SETBP1: variants seen among roughly 807,000 people sequenced by gnomAD.
SETBP1 encodes the protein SET binding protein 1, also known as SET-binding protein.
Under a neutral mutation model 101.0 loss-of-function variants are expected in SETBP1, and 9 were observed. The ratio of observed to expected loss-of-function variants is 0.09; its 90% CI spans 0.05 to 0.16. The LOEUF (loss-of-function observed/expected upper bound fraction) is 0.16, where lower values mean the gene tolerates loss of function less well. SETBP1 is among the 10% of genes least tolerant of loss of function. The pLI is 1.00. For synonymous variants in SETBP1, 818 were observed against 788.5 expected, an observed-to-expected ratio of 1.04 and a Z score of -0.63; for missense variants, 1,858 against 2,033.8, an observed-to-expected ratio of 0.91 and a Z score of 1.66.
chr18:44,684,491 CT>C (rs1286993641), intron 1 of SETBP1, among the ~76,000 whole-genome samples: 1 of 151,750 alleles, frequency 6.6e-6, no homozygotes, highest in Non-Finnish European at 1.5e-5. Context: ...TTTTGGAGGA[CT>C]GTAATTGTAG....
At chr18:44,939,055 C>T (rs1306569176) in intron 3 of SETBP1, among the ~76,000 whole-genome samples, 1 of 151,592 alleles carries the variant, frequency 6.6e-6, no homozygotes, top group Non-Finnish European at 1.5e-5. Flanking sequence ...ATGGATTTCT[C>T]ATTTTTGATT....
intron 2 of SETBP1, among the ~76,000 whole-genome samples, chr18:44,790,951 T>A (rs1196073727): frequency 6.6e-6 from 1 of 152,230 alleles, no homozygotes; most frequent in Non-Finnish European, 1.5e-5. Context: ...ATTAAAAATA[T>A]GCTTTTTTCA....
chr18:44,875,611 G>A (rs762993682), intron 3 of SETBP1, among the ~76,000 whole-genome samples: 3 of 151,066 alleles, frequency 2.0e-5, no homozygotes, highest in Non-Finnish European at 2.9e-5. Context: ...AGACTCAACT[G>A]GAGTTTGTGG....
At chr18:44,702,673 T>C (rs941390476) in intron 2 of SETBP1, among the ~76,000 whole-genome samples, 15 of 152,232 alleles carry the variant, frequency 9.9e-5, no homozygotes, top group African/African-American at 3.6e-4. Context: ...CTCCTTTTGA[T>C]TTCAGTCATT....
chr18:44,842,633 A>T (rs2072640301), intron 2 of SETBP1, among the ~76,000 whole-genome samples: 2 of 152,190 alleles, frequency 1.3e-5, no homozygotes, highest in South Asian at 4.1e-4. Flanking sequence ...TGGTCTACAG[A>T]TTCGCAAAAG....
In SETBP1 at chr18:45,055,014, A is replaced by G. The variant is rs145817970; in HGVS notation, c.4172-8065A>G. On this transcript the variant is annotated intron_variant, in intron 5 of 5. Coordinates refer to ENST00000649279, the MANE Select transcript of SETBP1 (RefSeq NM_015559.3). ...GGGAATATAAAGATGAATGCTCTCC[A>G]GGATTTGGGCTCTAGGAGTTGACAG... 5.9e-3 allele frequency among the ~76,000 whole-genome samples: 900 copies of G among 152,376 alleles called. 10 individuals are homozygous for G. Among genetic ancestry groups the G allele is most frequent in the African/African-American group, 0.02 (828 of 41,590 alleles).
intron 3 of SETBP1, among the ~76,000 whole-genome samples, chr18:44,948,417 C>CT (rs2071258643): frequency 6.6e-6 from 1 of 151,874 alleles, no homozygotes; most frequent in Non-Finnish European, 1.5e-5. Context: ...TTAACAGGGG[C>CT]TGTAAGACAT....
At chr18:44,970,948 T>C (rs1298134838) in intron 4 of SETBP1, among the ~76,000 whole-genome samples, 3 of 152,144 alleles carry the variant, frequency 2.0e-5, no homozygotes, top group Admixed American at 6.5e-5. Flanking sequence ...ACATGTGCCA[T>C]GTTGGTGTGC....
In SETBP1 at chr18:44,950,481, T is replaced by G. The variant is rs1273193718; in HGVS notation, c.1141T>G (p.Ser381Ala). ...GYSADSAQEA[S>A]PARQNVSSAS... ...TTCCGCAGATAGTGCCCAAGAGGCATCACCAGCCAGGCAGAACGTGAGTTC... is the reference window on the plus strand; with the variant it reads ...TTCCGCAGATAGTGCCCAAGAGGCAGCACCAGCCAGGCAGAACGTGAGTTC... The change falls in exon 4 of 6, where the codon TCA becomes GCA. Residue 381 changes from serine to alanine, a missense_variant. Coordinates refer to ENST00000649279, the MANE Select transcript of SETBP1 (RefSeq NM_015559.3). 7 of 1,613,926 alleles carry G rather than the reference T, an allele frequency of 4.3e-6. No individual in the cohort carries two copies. The highest frequency in any genetic ancestry group is 5.9e-6 in the Non-Finnish European group (7 of 1,180,036).
Position 44,872,392 on chromosome 18 carries a change from GT to G in SETBP1, c.540+3118del, listed in dbSNP as rs905187531. 7.3e-5 allele frequency among the ~76,000 whole-genome samples: 11 copies of G among 150,474 alleles called. No homozygotes were observed. The East Asian group carries it at 7.8e-4, about 11-fold the overall frequency. ...TTGTTCTACATAGACACACACATCT[GT>G]TTTTTTTTAATGGTAATATTTTATA... On this transcript the variant is annotated intron_variant, in intron 3 of 5. Coordinates refer to ENST00000649279, the MANE Select transcript of SETBP1 (RefSeq NM_015559.3).
chr18:44,920,269 G>A (rs977850750), intron 3 of SETBP1, among the ~76,000 whole-genome samples: 2 of 152,068 alleles, frequency 1.3e-5, no homozygotes, highest in Non-Finnish European at 2.9e-5. Flanking sequence ...GTATGAGGGC[G>A]AAATGGATTA....
intron 2 of SETBP1, among the ~76,000 whole-genome samples, chr18:44,814,492 C>T (rs2071933754): frequency 6.6e-6 from 1 of 152,172 alleles, no homozygotes; most frequent in East Asian, 1.9e-4. Flanking sequence ...GCAAAGCAGA[C>T]ATACTGTCTG....
intron 2 of SETBP1, among the ~76,000 whole-genome samples, chr18:44,792,442 G>A (rs750680863): frequency 3.3e-5 from 5 of 152,190 alleles, no homozygotes; most frequent in African/African-American, 4.8e-5. Context: ...AGTCAGAGCC[G>A]TGCCTGAGCC....
At chr18:44,947,570 G>A (rs11877149) in intron 3 of SETBP1, among the ~76,000 whole-genome samples, 35,340 of 147,948 alleles carry the variant, frequency 0.24, 4,437 homozygotes, top group East Asian at 0.52. Context: ...GCAAGGGCAC[G>A]ATCTCGGCTC....
chr18:44,865,944 T>A (rs1418950749), intron 2 of SETBP1, among the ~76,000 whole-genome samples: 1 of 152,172 alleles, frequency 6.6e-6, no homozygotes, highest in Non-Finnish European at 1.5e-5. Context: ...CAGATAGAAG[T>A]TATTTGAGTT....
chr18:44,978,427 A>G (rs117600193), intron 4 of SETBP1, among the ~76,000 whole-genome samples: 1,925 of 152,326 alleles, frequency 0.013, 16 homozygotes, highest in Middle Eastern at 0.051. Flanking sequence ...CACAAAGCCC[A>G]AATAAACTGA....
Position 44,950,244 on chromosome 18 carries a change from C to G in SETBP1, c.904C>G (p.Pro302Ala). ...AAGCAGCCACAGCTCACCAGCCCCA[C>G]CCAGCAGCTCTGCTGAGTGCAACGG... ...SPSSHSSPAP[P>A]SSSAECNGLQ... Residue 302 changes from proline (P) to alanine (A), a missense_variant, in exon 4 of 6, where the codon CCC (proline) becomes GCC (alanine). Coordinates refer to ENST00000649279, the MANE Select transcript of SETBP1 (RefSeq NM_015559.3). 1.2e-6 allele frequency: 2 copies of G among 1,614,054 alleles called. No individual in the cohort carries two copies.
intron 3 of SETBP1, among the ~76,000 whole-genome samples, chr18:44,943,641 A>G (rs752915617): frequency 1.3e-5 from 2 of 152,176 alleles, no homozygotes; most frequent in Non-Finnish European, 2.9e-5. Flanking sequence ...GCTAACATAC[A>G]GCCAGAGTTG....
intron 2 of SETBP1, among the ~76,000 whole-genome samples, chr18:44,702,276 CA>C (rs1249433904): frequency 6.6e-6 from 1 of 152,090 alleles, no homozygotes; most frequent in Non-Finnish European, 1.5e-5. Context: ...CTTGTTATCT[CA>C]GGGGTGGCAG....
Sources: allele counts gnomAD v4.1 joint callset (sites outside exome capture counted in the v4.1 genomes callset), GRCh38; gene constraint gnomAD v4.1.1; transcripts MANE v1.5; gene names NCBI Gene and HGNC (gene_info 2026-07-23, HGNC 2026-07-21).